The following INTS12 variants were observed in gnomAD, a reference collection of about 807,000 sequenced individuals.
The protein encoded by INTS12 is PHD finger protein 22.
In INTS12, 13 loss-of-function variants were observed where a neutral mutation model predicts 41.6. The ratio of observed to expected loss-of-function variants is 0.31; its 90% CI spans 0.20 to 0.50. INTS12 has a LOEUF of 0.50. INTS12 is among the 20% of genes least tolerant of loss of function. INTS12 has a pLI of 0.98. For synonymous variants in INTS12, 199 were observed against 191.4 expected, an observed-to-expected ratio of 1.04 and a Z score of -0.33; for missense variants, 432 against 541.6, an observed-to-expected ratio of 0.80 and a Z score of 2.01.
intron 7 of INTS12, among the ~76,000 whole-genome samples, chr4:105,683,713 A>G (rs1731405462): frequency 6.6e-6 from 1 of 152,190 alleles, no homozygotes; most frequent in African/African-American, 2.4e-5. Flanking sequence ...GATCATTTCA[A>G]AAATTTAATT....
At chr4:105,696,714 AG>A (rs1250865156) in intron 3 of INTS12, among the ~76,000 whole-genome samples, 1 of 152,162 alleles carries the variant, frequency 6.6e-6, no homozygotes, top group Non-Finnish European at 1.5e-5. Flanking sequence ...TTATTTCTCT[AG>A]AAAAAATAGG....
Position 105,692,155 on chromosome 4 carries a change from A to C in INTS12, c.498-20T>G. The C allele has an allele frequency of 6.2e-7, 1 of 1,603,390 alleles. No homozygotes were observed. Among genetic ancestry groups the C allele is most frequent in the East Asian group, 2.2e-5 (1 of 44,722 alleles). ...ATTTGCCTAAGAAAACATACCATTA[A>C]ACATTACACTACTTTTTTAAATGCC... is the stretch of plus-strand genomic sequence containing the variant. On this transcript the variant is annotated intron_variant, in intron 5 of 7. Transcript: ENST00000340139.
At chr4:105,684,249 G>T (rs1326650605) in intron 7 of INTS12, among the ~76,000 whole-genome samples, 4 of 151,928 alleles carry the variant, frequency 2.6e-5, no homozygotes, top group African/African-American at 9.7e-5. Flanking sequence ...TTTCATATTA[G>T]GCACAAATGT....
At position 105,683,173 on chromosome 4, in the gene INTS12, T is replaced by C. The variant is rs1185713627; in HGVS notation, c.949A>G (p.Asn317Asp). The change falls in exon 8 of 8, where the codon AAT (asparagine) becomes GAT (aspartate). Residue 317 changes from asparagine (N) to aspartate (D), a missense_variant. By Grantham distance (23) the Asn-to-Asp change is conservative. This residue lies in a region of INTS12 where 258 missense variants were observed against 309.9 expected (regional missense o/e 0.83). Transcript: ENST00000340139. ...TAKLSSTTQNNTGKPATSSAN... is the reference protein window; with the variant it reads ...TAKLSSTTQNDTGKPATSSAN... ...GACGAAGTAGCAGGTTTCCCAGTAT[T>C]GTTTTGTGTTGTTGAACTCAATTTT... 1.2e-6 allele frequency: 2 copies of C among 1,614,100 alleles called. No individual in the cohort carries two copies. The highest frequency in any genetic ancestry group is 2.2e-5 in the East Asian group (1 of 44,878).
intron 1 of INTS12, chr4:105,708,378 C>T: frequency 1.0e-6 from 1 of 985,462 alleles, no homozygotes; most frequent in African/African-American, 1.7e-5. Flanking sequence ...AAGTCCGAGG[C>T]AGGATTCCAA....
intron 6 of INTS12, 55 bp from the exon 7 acceptor site, chr4:105,686,893 A>G (rs2149177910): frequency 6.7e-7 from 1 of 1,482,548 alleles, no homozygotes; most frequent in East Asian, 2.3e-5. Context: ...ATATACAGAA[A>G]GATAATAATC....
intron 7 of INTS12, among the ~76,000 whole-genome samples, chr4:105,683,543 G>C (rs1731399963): frequency 6.6e-6 from 1 of 152,122 alleles, no homozygotes; most frequent in Admixed American, 6.6e-5. Context: ...GATTCCAAAA[G>C]AAAATATATG....
Position 105,708,393 on chromosome 4 carries a change from C to G in INTS12, c.-172+245G>C, listed in dbSNP as rs943245004. The G allele has an allele frequency of 1.1e-5, 11 of 985,368 alleles. No homozygotes were observed. The Admixed American group carries it at 1.8e-4, about 17-fold the overall frequency. The allele number at this position is 985,368 out of a possible 1,614,324, so 61.0% of individuals were successfully genotyped here. A position where few individuals can be genotyped will look rare whatever the true frequency, so the allele number is the denominator to read the frequency against. On this transcript the variant is annotated intron_variant, in intron 1 of 7. Coordinates refer to ENST00000340139, the MANE Select transcript of INTS12 (RefSeq NM_020395.4). ...AAGTCCGAGGCAGGATTCCAAGTCC[C>G]TTGTCCCTAGACCTAGAAATATGCT...
intron 5 of INTS12, 87 bp downstream of exon 5, chr4:105,693,211 AT>A (rs1731747592): frequency 9.0e-7 from 1 of 1,105,556 alleles, no homozygotes; most frequent in African/African-American, 1.5e-5. Context: ...ATGCACAACA[AT>A]TTTTCTGATT....
intron 1 of INTS12, among the ~76,000 whole-genome samples, chr4:105,704,305 A>C (rs568931643): frequency 1.3e-3 from 194 of 152,296 alleles, no homozygotes; most frequent in Non-Finnish European, 2.4e-3. Context: ...CCTCCTATCC[A>C]ATTAAAAATG....
At chr4:105,702,278 G>C (rs1732108012) in intron 2 of INTS12, among the ~76,000 whole-genome samples, 1 of 151,492 alleles carries the variant, frequency 6.6e-6, no homozygotes, top group Admixed American at 6.6e-5. Context: ...TGGGACTACA[G>C]GCGCCCGCCA....
At chr4:105,694,277 G>C (rs768697883) in intron 4 of INTS12, among the ~76,000 whole-genome samples, 9 of 152,144 alleles carry the variant, frequency 5.9e-5, no homozygotes, top group Non-Finnish European at 1.2e-4. Context: ...ACATAGTTGA[G>C]TGGAGAAAAA....
At chr4:105,699,806 AGG>A in intron 3 of INTS12, 42 bp downstream of exon 3, 1 of 1,379,522 alleles carries the variant, frequency 7.2e-7, no homozygotes, top group Non-Finnish European at 9.7e-7. Context: ...GTAGTACTAC[AGG>A]CCTTACAAAA....
rs1205753523 is a variant in INTS12 at position 105,683,190 on chromosome 4, C to T, written c.932G>A (p.Ser311Asn). 1 of 1,613,962 alleles carries T rather than the reference C, an allele frequency of 6.2e-7. No individual in the cohort carries two copies. Among genetic ancestry groups the T allele is most frequent in the Non-Finnish European group, 8.5e-7 (1 of 1,179,974 alleles). Residue 311 changes from serine (S) to asparagine (N), a missense_variant, in exon 8 of 8, where the codon AGT becomes AAT. Physicochemically the swap from Ser to Asn is conservative, Grantham distance 46 (BLOSUM62 1). Around this residue, in one of 3 missense-constraint regions of INTS12, gnomAD observed 258 missense variants for 309.9 expected, o/e 0.83. Coordinates refer to ENST00000340139, the MANE Select transcript of INTS12 (RefSeq NM_020395.4). ...SSAGPSTAKLSSTTQNNTGKP... is the reference protein window; with the variant it reads ...SSAGPSTAKLNSTTQNNTGKP... ...CCCAGTATTGTTTTGTGTTGTTGAACTCAATTTTGCTGTTGAAGGACCAGC... is the reference window on the plus strand; with the variant it reads ...CCCAGTATTGTTTTGTGTTGTTGAATTCAATTTTGCTGTTGAAGGACCAGC...
At chr4:105,685,344 T>C (rs1346563608) in intron 7 of INTS12, among the ~76,000 whole-genome samples, 1 of 152,112 alleles carries the variant, frequency 6.6e-6, no homozygotes, top group Non-Finnish European at 1.5e-5. Flanking sequence ...AATCTAAAAA[T>C]CTACTAAAAA....
intron 4 of INTS12, among the ~76,000 whole-genome samples, chr4:105,694,572 C>T (rs1731796049): frequency 2.0e-5 from 3 of 152,134 alleles, no homozygotes; most frequent in African/African-American, 7.2e-5. Flanking sequence ...CTCAAGTGAT[C>T]CTCCTGCCTT....
intron 1 of INTS12, among the ~76,000 whole-genome samples, chr4:105,707,274 C>T (rs968460201): frequency 6.6e-6 from 1 of 151,850 alleles, no homozygotes; most frequent in African/African-American, 2.4e-5. Context: ...AAGGATATCT[C>T]ATAGTGCTTT....
Position 105,702,433 on chromosome 4 carries a change from G to A in INTS12, c.-10+1215C>T, listed in dbSNP as rs186236674. 1.1e-4 allele frequency among the ~76,000 whole-genome samples: 16 copies of A among 152,242 alleles called. No homozygotes were observed. The South Asian group carries it at 1.5e-3, about 14-fold the overall frequency. The stretch of plus-strand genomic sequence containing the variant: ...TTACAGGCGTGAGCCACCGCGCCCA[G>A]CCAATTTATTTCTATTTCTATTTAT... On this transcript the variant is annotated intron_variant, in intron 2 of 7. Coordinates refer to ENST00000340139, the MANE Select transcript of INTS12 (RefSeq NM_020395.4).
At chr4:105,689,230 A>T (rs1260961986) in intron 6 of INTS12, among the ~76,000 whole-genome samples, 1 of 152,206 alleles carries the variant, frequency 6.6e-6, no homozygotes, top group Non-Finnish European at 1.5e-5. Flanking sequence ...ATTCTTAACT[A>T]GGTCTTCCTA....
Sources: allele counts gnomAD v4.1 joint callset (sites outside exome capture counted in the v4.1 genomes callset), GRCh38; gene constraint gnomAD v4.1.1; regional missense constraint gnomAD v4.1.1; transcripts MANE v1.5; gene names NCBI Gene and HGNC (gene_info 2026-07-23, HGNC 2026-07-21).